The following MEI4 variants were observed in gnomAD, a reference collection of about 807,000 sequenced individuals.
The protein encoded by MEI4 is meiosis-specific protein MEI4.
A neutral mutation model predicts 31.4 loss-of-function variants in MEI4; 27 were observed. The ratio of observed to expected loss-of-function variants is 0.86; its 90% CI spans 0.63 to 1.19. MEI4 has a LOEUF of 1.19. MEI4 is among the 50% of genes most tolerant of loss of function. The pLI, the probability that MEI4 is intolerant of heterozygous loss-of-function variation, is 0.00. For synonymous variants in MEI4, 122 were observed against 145.4 expected, an observed-to-expected ratio of 0.84 and a Z score of 1.16; for missense variants, 329 against 398.9, an observed-to-expected ratio of 0.82 and a Z score of 1.49.
intron 4 of MEI4, among the ~76,000 whole-genome samples, chr6:77,892,019 G>T (rs1424496565): frequency 6.6e-6 from 1 of 152,186 alleles, no homozygotes; most frequent in Non-Finnish European, 1.5e-5. Context: ...CAGTTCTCTG[G>T]CCCCCAGGCA....
In MEI4 at chr6:77,671,199, G is replaced by C. The variant is rs556013221; in HGVS notation, c.-15+18107G>C. Among the ~76,000 whole-genome samples the C allele has an allele frequency of 5.3e-5, 8 of 151,910 alleles. No individual in the cohort carries two copies. The South Asian group carries it at 1.2e-3, about 24-fold the overall frequency. ...AGCCTCCTGAGTAGCTGGGACTACAGGTGTGCACTACTGTGCTCAGCTAAT... is the reference window on the plus strand; with the variant it reads ...AGCCTCCTGAGTAGCTGGGACTACACGTGTGCACTACTGTGCTCAGCTAAT... On this transcript the variant is annotated intron_variant, in intron 1 of 4. Coordinates refer to ENST00000684080, the MANE Select transcript of MEI4 (RefSeq NM_001322247.2).
At chr6:77,765,751 A>T (rs886902288) in intron 3 of MEI4, among the ~76,000 whole-genome samples, 53 of 149,860 alleles carry the variant, frequency 3.5e-4, no homozygotes, top group Non-Finnish European at 6.9e-4. Context: ...TGTTTATTGC[A>T]GCACTATGCA....
chr6:77,875,250 G>A (rs1037501839), intron 4 of MEI4, among the ~76,000 whole-genome samples: 1 of 152,146 alleles, frequency 6.6e-6, no homozygotes, highest in Non-Finnish European at 1.5e-5. Flanking sequence ...GCATATGTAT[G>A]TTTATCTATT....
At chr6:77,838,212 T>A (rs1000086450) in intron 4 of MEI4, among the ~76,000 whole-genome samples, 1 of 152,306 alleles carries the variant, frequency 6.6e-6, no homozygotes, top group South Asian at 2.1e-4. Context: ...TTTTAAACCA[T>A]CTTCTGTGGA....
At chr6:77,757,823 G>C (rs1266889081) in intron 2 of MEI4, among the ~76,000 whole-genome samples, 2 of 152,078 alleles carry the variant, frequency 1.3e-5, no homozygotes, top group Non-Finnish European at 2.9e-5. Flanking sequence ...GTCATTTTCA[G>C]TGTCTATTCA....
intron 2 of MEI4, among the ~76,000 whole-genome samples, chr6:77,739,743 G>A (rs10943484): frequency 1.3e-5 from 2 of 151,548 alleles, no homozygotes; most frequent in Middle Eastern, 3.4e-3. Context: ...AAAAAAAATA[G>A]GAAAACCAAC....
chr6:77,923,057 A>T (rs181670716), intron 4 of MEI4, 32 bp from the exon 5 acceptor site: 1 of 1,222,844 alleles, frequency 8.2e-7, no homozygotes, highest in Non-Finnish European at 1.0e-6. Flanking sequence ...TTTATACCCA[A>T]TTTTTTAAAG....
intron 2 of MEI4, among the ~76,000 whole-genome samples, chr6:77,733,078 C>T (rs1171555615): frequency 6.6e-6 from 1 of 151,804 alleles, no homozygotes; most frequent in African/African-American, 2.4e-5. Context: ...GGATATTGAT[C>T]TAAAATTCTC....
At chr6:77,731,091 T>C (rs1021505204) in intron 2 of MEI4, among the ~76,000 whole-genome samples, 5 of 151,988 alleles carry the variant, frequency 3.3e-5, no homozygotes, top group African/African-American at 1.2e-4. Flanking sequence ...TAAACATATG[T>C]GTGCATGTGT....
intron 4 of MEI4, 93 bp downstream of exon 4, chr6:77,829,155 C>A: frequency 2.0e-6 from 2 of 981,878 alleles, no homozygotes; most frequent in Non-Finnish European, 2.6e-6. Flanking sequence ...TCTTTCCAGG[C>A]TGATGTTTTA....
chr6:77,654,027 C>T (rs1262100501), intron 1 of MEI4, among the ~76,000 whole-genome samples: 3 of 152,112 alleles, frequency 2.0e-5, no homozygotes, highest in Non-Finnish European at 4.4e-5. Flanking sequence ...CTTTGCAGGC[C>T]ATACTGTTTC....
chr6:77,669,756 T>C (rs988178096), intron 1 of MEI4, among the ~76,000 whole-genome samples: 1 of 152,238 alleles, frequency 6.6e-6, no homozygotes, highest in African/African-American at 2.4e-5. Context: ...TTTACCTGAA[T>C]TATCTCATTT....
chr6:77,683,557 T>C (rs1033750092), intron 1 of MEI4, among the ~76,000 whole-genome samples: 3 of 152,052 alleles, frequency 2.0e-5, no homozygotes, highest in African/African-American at 7.2e-5. Flanking sequence ...TCTCCCCTTT[T>C]CTCTCTGGCC....
chr6:77,747,130 G>T (rs1056166723), intron 2 of MEI4, among the ~76,000 whole-genome samples: 2 of 152,044 alleles, frequency 1.3e-5, no homozygotes, highest in Non-Finnish European at 2.9e-5. Flanking sequence ...TGACTAACAT[G>T]GTGAAACCTC....
At chr6:77,877,521 A>T (rs1298263470) in intron 4 of MEI4, among the ~76,000 whole-genome samples, 3 of 152,032 alleles carry the variant, frequency 2.0e-5, no homozygotes, top group African/African-American at 7.2e-5. Context: ...TAGATTTTCC[A>T]ACCTTTTTGA....
At chr6:77,756,013 C>G (rs572057618) in intron 2 of MEI4, among the ~76,000 whole-genome samples, 4 of 152,162 alleles carry the variant, frequency 2.6e-5, no homozygotes, top group Non-Finnish European at 4.4e-5. Context: ...TTACAGAAAG[C>G]GGCACCAGCA....
At chr6:77,714,248 C>T (rs550769631) in intron 2 of MEI4, among the ~76,000 whole-genome samples, 14 of 150,688 alleles carry the variant, frequency 9.3e-5, no homozygotes, top group African/African-American at 3.4e-4. Flanking sequence ...AAAAAAAAAA[C>T]AAAACAGAAA....
intron 2 of MEI4, among the ~76,000 whole-genome samples, chr6:77,714,754 T>C (rs1766542599): frequency 1.3e-5 from 2 of 152,180 alleles, no homozygotes; most frequent in African/African-American, 4.8e-5. Context: ...TTGGTGCCCC[T>C]GCCTCTGTGC....
At position 77,919,797 on chromosome 6, in the gene MEI4, T is replaced by TA. The variant is rs1165887852; in HGVS notation, c.901-3286dup. Among the ~76,000 whole-genome samples the TA allele has an allele frequency of 6.1e-5, 9 of 147,586 alleles. No individual in the cohort carries two copies. In the East Asian group the frequency reaches 1.8e-3, roughly 30 times the overall value. On this transcript the variant is annotated intron_variant, in intron 4 of 4. Coordinates refer to ENST00000684080, the MANE Select transcript of MEI4 (RefSeq NM_001322247.2). ...AGAGAGAAGAATCAAATAGACGCAATAAAAAATGATAAAGGGGATATCACC... is the reference window on the plus strand; with the variant it reads ...AGAGAGAAGAATCAAATAGACGCAATAAAAAAATGATAAAGGGGATATCACC...
Sources: allele counts gnomAD v4.1 joint callset (sites outside exome capture counted in the v4.1 genomes callset), GRCh38; gene constraint gnomAD v4.1.1; transcripts MANE v1.5; gene names NCBI Gene and HGNC (gene_info 2026-07-23, HGNC 2026-07-21).